Variants in MYCBP2 observed in about 807,000 individuals in gnomAD.
MYCBP2 encodes E3 ubiquitin-protein ligase MYCBP2.
In MYCBP2, 120 loss-of-function variants were observed where a neutral mutation model predicts 525.3. The observed-to-expected ratio is 0.23, with a 90% CI of 0.20 to 0.27. The LOEUF (loss-of-function observed/expected upper bound fraction) is 0.27, where lower values mean the gene tolerates loss of function less well. MYCBP2 is among the 10% of genes least tolerant of loss of function. The probability of loss-of-function intolerance (pLI) is 1.00; values close to 1 mark genes in which losing one functional copy is unlikely to be tolerated. For missense variants in MYCBP2, 4,149 were observed against 5,657.1 expected (o/e 0.73, Z 8.55); for synonymous variants, 1,894 against 1,955.8 (o/e 0.97, Z 0.83).
At chr13:77,197,639 G>A (rs1331934503) in intron 26 of MYCBP2, among the ~76,000 whole-genome samples, 1 of 152,180 alleles carries the variant, frequency 6.6e-6, no homozygotes, top group Non-Finnish European at 1.5e-5. Context: ...GCCTAGGGCT[G>A]GGTCTTTGAG....
At chr13:77,185,639 T>A (rs939436076) in intron 31 of MYCBP2, among the ~76,000 whole-genome samples, 4 of 152,200 alleles carry the variant, frequency 2.6e-5, no homozygotes, top group African/African-American at 9.7e-5. Flanking sequence ...TTAAACTTTA[T>A]TAGATTATTT....
At chr13:77,143,781 C>T (rs2055067330) in intron 49 of MYCBP2, among the ~76,000 whole-genome samples, 1 of 152,178 alleles carries the variant, frequency 6.6e-6, no homozygotes, top group Non-Finnish European at 1.5e-5. Flanking sequence ...TTATATGGTA[C>T]AGCCTATTGG....
intron 55 of MYCBP2, among the ~76,000 whole-genome samples, chr13:77,104,081 A>C (rs1399863601): frequency 6.6e-6 from 1 of 152,082 alleles, no homozygotes; most frequent in Non-Finnish European, 1.5e-5. Flanking sequence ...AAGCTAAAAA[A>C]CATCTCTATC....
intron 47 of MYCBP2, among the ~76,000 whole-genome samples, chr13:77,148,740 C>G (rs887708791): frequency 6.6e-6 from 1 of 152,048 alleles, no homozygotes; most frequent in Non-Finnish European, 1.5e-5. Flanking sequence ...CTTTTCTGAT[C>G]GGTGCTTTCT....
At chr13:77,052,318 C>T (rs759740931) in intron 80 of MYCBP2, among the ~76,000 whole-genome samples, 54 of 152,150 alleles carry the variant, frequency 3.5e-4, no homozygotes, top group Admixed American at 2.4e-3. Context: ...CCCAACTCAG[C>T]CTCCTGAGTG....
Position 77,224,510 on chromosome 13 carries a change from A to G in MYCBP2, c.2880T>C (p.Asp960=), listed in dbSNP as rs757870846. 18 of 1,607,794 alleles carry G rather than the reference A, an allele frequency of 1.1e-5. No homozygotes were observed. ...GCTGCCCATAACCAAATGTATAGAC[A>G]TCTCCATTTTCCATTAAAACCACTG... ...HHSVVLMENG[D]VYTFGYGQHG... is the part of the protein sequence containing the mutation. Residue 960 remains aspartate (D), a synonymous_variant, in exon 20 of 83, where the codon GAT becomes GAC. Transcript: ENST00000544440.
chr13:77,058,149 GTTTA>G lies in MYCBP2; in HGVS notation c.13329+65_13329+68del. ...GCCACTGCGCCCGGCCTCAATCAAT[GTTTA>G]TTTGACAAATATATTCCCCATCTTA... On this transcript the variant is annotated intron_variant, in intron 78 of 82. Coordinates refer to ENST00000544440, the MANE Select transcript of MYCBP2 (RefSeq NM_015057.5). This position sits in a 1 kb window ranked among gnomAD's most constrained non-coding sequence, Gnocchi z 4.1. 1 of 1,538,056 alleles carries G rather than the reference GTTTA, an allele frequency of 6.5e-7. No homozygotes were observed. Among genetic ancestry groups the G allele is most frequent in the Non-Finnish European group, 8.8e-7 (1 of 1,130,746 alleles).
intron 16 of MYCBP2, 28 bp downstream of exon 16, chr13:77,243,778 G>A (rs777234071): frequency 6.2e-6 from 10 of 1,606,324 alleles, no homozygotes; most frequent in Non-Finnish European, 8.5e-6. Context: ...ACAACTCAGT[G>A]TAGCATAGTA....
At chr13:77,221,963 C>T (rs1435231144) in intron 20 of MYCBP2, among the ~76,000 whole-genome samples, 2 of 152,132 alleles carry the variant, frequency 1.3e-5, no homozygotes, top group African/African-American at 4.8e-5. Flanking sequence ...ATACCTAATA[C>T]AATGTAAACA....
chr13:77,168,691 G>T (rs1477647046), intron 39 of MYCBP2, 45 bp from the exon 40 acceptor site: 1 of 1,565,706 alleles, frequency 6.4e-7, no homozygotes, highest in Admixed American at 1.7e-5. Flanking sequence ...ACACGTGAAA[G>T]TGGTTCTAAA....
intron 52 of MYCBP2, among the ~76,000 whole-genome samples, chr13:77,127,983 AT>A (rs1371347347): frequency 2.0e-5 from 3 of 151,902 alleles, no homozygotes; most frequent in Non-Finnish European, 4.4e-5. Flanking sequence ...ATTTACCAAT[AT>A]TCTTTGGTTA....
In MYCBP2 at chr13:77,091,818, C is replaced by G. The variant is rs574371964; in HGVS notation, c.10367+1347G>C. On this transcript the variant is annotated intron_variant, in intron 59 of 82. Coordinates refer to ENST00000544440, the MANE Select transcript of MYCBP2 (RefSeq NM_015057.5). Reference sequence around the variant, plus strand: ...CTCACTGTAACCTCAAAATCCTAGGCTGAAGCCATCCTCTTGCCTCAGCCT... The same window carrying G: ...CTCACTGTAACCTCAAAATCCTAGGGTGAAGCCATCCTCTTGCCTCAGCCT... Among the ~76,000 whole-genome samples the G allele has an allele frequency of 1.8e-4, 28 of 152,100 alleles. No individual in the cohort carries two copies. The South Asian group carries it at 5.4e-3, about 29-fold the overall frequency.
intron 1 of MYCBP2, among the ~76,000 whole-genome samples, chr13:77,322,695 C>T (rs1231362306): frequency 6.6e-6 from 1 of 152,184 alleles, no homozygotes; most frequent in Non-Finnish European, 1.5e-5. Context: ...CAATTTAACA[C>T]AAGTAGAAAA....
intron 69 of MYCBP2, among the ~76,000 whole-genome samples, chr13:77,070,080 G>A (rs989415360): frequency 1.3e-5 from 2 of 152,106 alleles, no homozygotes; most frequent in Non-Finnish European, 2.9e-5. Flanking sequence ...AGAAATATGG[G>A]AAATGCAAAT....
chr13:77,314,172 T>C (rs770256552), intron 1 of MYCBP2, among the ~76,000 whole-genome samples: 3 of 152,208 alleles, frequency 2.0e-5, no homozygotes, highest in Non-Finnish European at 2.9e-5. Flanking sequence ...CCAAAGGAGC[T>C]GAAAACATGT....
At chr13:77,275,114 A>G (rs969598143) in intron 4 of MYCBP2, among the ~76,000 whole-genome samples, 11 of 152,218 alleles carry the variant, frequency 7.2e-5, no homozygotes, top group African/African-American at 2.7e-4. Flanking sequence ...ACACTAGGGT[A>G]TTGGCAAACA....
intron 15 of MYCBP2, among the ~76,000 whole-genome samples, chr13:77,248,718 A>T (rs1262539845): frequency 6.6e-6 from 1 of 152,162 alleles, no homozygotes; most frequent in Non-Finnish European, 1.5e-5. Context: ...TCCTCAAAAG[A>T]TTAAAAATAA....
chr13:77,095,397 G>A lies in MYCBP2; in HGVS notation c.10160C>T (p.Pro3387Leu), dbSNP rs1229876160. Residue 3387 changes from proline to leucine, a missense_variant, in exon 58 of 83, where the codon CCT (proline) becomes CTT (leucine). This residue lies in a region of MYCBP2 where 509 missense variants were observed against 789.4 expected (regional missense o/e 0.64). Transcript: ENST00000544440. ...CAGGTAGAGACAAGGCATTTTCACA[G>A]GAAGATCCTCAGAAATGCCTTCTTT... ...SVKEGISEDL[P>L]VKMPCLYLQT... The A allele has an allele frequency of 1.9e-6, 3 of 1,613,282 alleles. No individual in the cohort carries two copies. Among genetic ancestry groups the A allele is most frequent in the South Asian group, 2.2e-5 (2 of 91,070 alleles).
rs767173509 is a variant in MYCBP2 at position 77,081,655 on chromosome 13, T to G, written c.11194-4A>C. On this transcript the variant is annotated splice_polypyrimidine_tract_variant and splice_region_variant and intron_variant, in intron 64 of 82. Coordinates refer to ENST00000544440, the MANE Select transcript of MYCBP2 (RefSeq NM_015057.5). The surrounding 1 kb of genome is among the most constrained non-coding windows in gnomAD (Gnocchi z 4.6). ...AGCACATTACTATGCATAATTCCTA[T>G]CAGAAACAAATATAAGTACTTATGA... is the stretch of plus-strand genomic sequence containing the variant. The G allele has an allele frequency of 2.5e-6, 4 of 1,595,692 alleles. No individual in the cohort carries two copies. Among genetic ancestry groups the G allele is most frequent in the Non-Finnish European group, 3.4e-6 (4 of 1,171,278 alleles).
Sources: allele counts gnomAD v4.1 joint callset (sites outside exome capture counted in the v4.1 genomes callset), GRCh38; gene constraint gnomAD v4.1.1; regional missense constraint gnomAD v4.1.1; non-coding constraint Gnocchi (gnomAD v3.1); transcripts MANE v1.5; gene names NCBI Gene and HGNC (gene_info 2026-07-23, HGNC 2026-07-21).